Variants in RHOBTB3 observed in about 807,000 individuals in gnomAD.
RHOBTB3 encodes the protein Rho related BTB domain containing 3.
RHOBTB3 carries 47 observed loss-of-function variants against 67.2 expected under a neutral mutation model. The observed-to-expected ratio is 0.70, with a 90% CI of 0.55 to 0.89. The LOEUF (loss-of-function observed/expected upper bound fraction) is 0.89, where lower values mean the gene tolerates loss of function less well. Ranked by LOEUF, RHOBTB3 falls within the 40% of genes least tolerant of loss-of-function variation. The pLI is 0.00. For synonymous variants in RHOBTB3, 273 were observed against 274.2 expected, an observed-to-expected ratio of 1.00 and a Z score of 0.04; for missense variants, 631 against 750.0, an observed-to-expected ratio of 0.84 and a Z score of 1.85.
intron 1 of RHOBTB3, among the ~76,000 whole-genome samples, chr5:95,722,639 G>A (rs1186288084): frequency 6.6e-6 from 1 of 152,096 alleles, no homozygotes; most frequent in South Asian, 2.1e-4. Context: ...ACAGGCTCCC[G>A]CCACCATGCC....
At chr5:95,745,373 A>G (rs971877805) in intron 3 of RHOBTB3, among the ~76,000 whole-genome samples, 2 of 152,190 alleles carry the variant, frequency 1.3e-5, no homozygotes, top group Non-Finnish European at 2.9e-5. Context: ...TTTTCGGCTT[A>G]TACTAAATAT....
At chr5:95,732,404 C>G (rs1167233365) in intron 2 of RHOBTB3, 1 of 555,158 alleles carries the variant, frequency 1.8e-6, no homozygotes. Flanking sequence ...CACTAAGTTT[C>G]ATCAGCAAAA....
chr5:95,719,197 G>A (rs76150992), intron 1 of RHOBTB3, among the ~76,000 whole-genome samples: 4,409 of 152,278 alleles, frequency 0.029, 203 homozygotes, highest in African/African-American at 0.098. Context: ...ATGAGGTTAG[G>A]TGGTTGACTG....
At position 95,731,929 on chromosome 5, in the gene RHOBTB3, A is replaced by C; in HGVS notation, c.73A>C (p.Ile25Leu). 6.2e-7 allele frequency: 1 copy of C among 1,614,104 alleles called. No homozygotes were observed. Residue 25 changes from isoleucine (I) to leucine (L), a missense_variant, in exon 2 of 12, where the codon ATC (isoleucine) becomes CTC (leucine). By Grantham distance (5) the Ile-to-Leu change is conservative. Transcript: ENST00000379982. ...FHQDNRPSGLIRTYLGRSPLV... is the reference protein window; with the variant it reads ...FHQDNRPSGLLRTYLGRSPLV... ...CCAGGACAACCGGCCGTCGGGGCTTATCCGCACTTACCTGGGGAGAAGCCC... is the reference window on the plus strand; with the variant it reads ...CCAGGACAACCGGCCGTCGGGGCTTCTCCGCACTTACCTGGGGAGAAGCCC...
At chr5:95,782,624 C>G (rs552835665) in intron 9 of RHOBTB3, 1 of 151,986 alleles carries the variant, frequency 6.6e-6, no homozygotes, top group Non-Finnish European at 1.5e-5. Flanking sequence ...CTGGCTAACA[C>G]GGTGAAACCC....
rs150534367 is a variant in RHOBTB3, at chr5:95,761,283, C to T, written c.1049-2225C>T. Among the ~76,000 whole-genome samples the T allele has an allele frequency of 3.8e-3, 580 of 151,516 alleles. 7 individuals are homozygous for T. Among genetic ancestry groups the T allele is most frequent in the African/African-American group, 0.014 (558 of 41,266 alleles). The stretch of plus-strand genomic sequence containing the variant: ...AAAAAATACTTACATGTTCCCTTTC[C>T]TGCATACCACTAACACTGGGTTTGG... On this transcript the variant is annotated intron_variant, in intron 6 of 11. Transcript: ENST00000379982.
chr5:95,744,692 A>G (rs1028272943), intron 3 of RHOBTB3, among the ~76,000 whole-genome samples: 2 of 152,176 alleles, frequency 1.3e-5, no homozygotes, highest in African/African-American at 4.8e-5. Context: ...ATCCCTTGGA[A>G]TACATGAAAC....
chr5:95,759,352 C>T (rs866870546), intron 6 of RHOBTB3, among the ~76,000 whole-genome samples: 4 of 152,224 alleles, frequency 2.6e-5, no homozygotes, highest in African/African-American at 9.6e-5. Flanking sequence ...CTGCAGGTAT[C>T]TATTTATTAT....
At chr5:95,751,307 C>T (rs1745081824) in intron 4 of RHOBTB3, 1 of 151,934 alleles carries the variant, frequency 6.6e-6, no homozygotes, top group Non-Finnish European at 1.5e-5. Flanking sequence ...ACCAGCCACA[C>T]AATTGTAGTG....
intron 9 of RHOBTB3, among the ~76,000 whole-genome samples, chr5:95,781,017 T>G (rs1031779038): frequency 6.6e-6 from 1 of 152,188 alleles, no homozygotes; most frequent in Admixed American, 6.5e-5. Context: ...AGGATTCATT[T>G]CCAAATTCAC....
intron 7 of RHOBTB3, 30 bp from the exon 8 acceptor site, chr5:95,768,016 C>A: frequency 6.2e-7 from 1 of 1,606,506 alleles, no homozygotes; most frequent in Non-Finnish European, 8.5e-7. Context: ...GTTAAACAAC[C>A]TTTCCCTGTA....
chr5:95,783,777 C>G lies in RHOBTB3; in HGVS notation c.1457-20C>G. Reference sequence around the variant, plus strand: ...AATGGTTTCATCATCCACTTTCTCTCATGTCCCTTTTCTCATCAGCTGGCA... The same window carrying G: ...AATGGTTTCATCATCCACTTTCTCTGATGTCCCTTTTCTCATCAGCTGGCA... On this transcript the variant is annotated intron_variant, in intron 9 of 11. Coordinates refer to ENST00000379982, the MANE Select transcript of RHOBTB3 (RefSeq NM_014899.4). 2 of 1,592,582 alleles carry G rather than the reference C, an allele frequency of 1.3e-6. No individual in the cohort carries two copies. Among genetic ancestry groups the G allele is most frequent in the Admixed American group, 1.7e-5 (1 of 59,278 alleles).
In RHOBTB3 at chr5:95,796,008, C is replaced by A. The variant is rs1191622737; in HGVS notation, c.*2834C>A. On this transcript the variant is annotated 3_prime_UTR_variant, in exon 12 of 12. Transcript: ENST00000379982. ...TGCTCACTGTTCATATTATAGGGGA[C>A]CAGATTTGTAATATAGAATTCTCCA... The A allele has an allele frequency of 6.6e-6, 1 of 152,086 alleles. No homozygotes were observed. Among genetic ancestry groups the A allele is most frequent in the Non-Finnish European group, 1.5e-5 (1 of 68,022 alleles). The allele number at this position is 152,086 out of a possible 1,614,324, so 9.4% of individuals were successfully genotyped here.
At chr5:95,721,417 T>C (rs554402081) in intron 1 of RHOBTB3, among the ~76,000 whole-genome samples, 2 of 152,194 alleles carry the variant, frequency 1.3e-5, no homozygotes, top group South Asian at 2.1e-4. Context: ...AAGATGAACA[T>C]TGAAAACACT....
chr5:95,762,356 G>GA (rs1346885186), intron 6 of RHOBTB3, among the ~76,000 whole-genome samples: 1 of 152,220 alleles, frequency 6.6e-6, no homozygotes, highest in Non-Finnish European at 1.5e-5. Flanking sequence ...AGTTGGTACA[G>GA]ACTGGCTGCA....
At chr5:95,785,852 C>A (rs1746210604) in intron 10 of RHOBTB3, among the ~76,000 whole-genome samples, 1 of 152,130 alleles carries the variant, frequency 6.6e-6, no homozygotes, top group Admixed American at 6.5e-5. Flanking sequence ...AAGAGAACTT[C>A]CCGTGTGGTC....
At chr5:95,780,545 T>C in intron 9 of RHOBTB3, 120 bp downstream of exon 9, 3 of 828,242 alleles carry the variant, frequency 3.6e-6, no homozygotes, top group Middle Eastern at 2.5e-4. Flanking sequence ...CATCACGGAA[T>C]GTACTAAGCA....
intron 3 of RHOBTB3, among the ~76,000 whole-genome samples, chr5:95,742,579 T>A (rs1354556704): frequency 6.6e-6 from 1 of 152,228 alleles, no homozygotes; most frequent in Non-Finnish European, 1.5e-5. Context: ...TCTTTTATAT[T>A]TCTTATTGCT....
chr5:95,761,339 CT>C (rs766063568), intron 6 of RHOBTB3, among the ~76,000 whole-genome samples: 2,357 of 125,798 alleles, frequency 0.019, 26 homozygotes, highest in African/African-American at 0.06. Flanking sequence ...CCTTTTTCCT[CT>C]TTTTTTTTTT....
Sources: gnomAD v4.1 joint callset for allele counts (sites outside exome capture counted in the v4.1 genomes callset) on GRCh38, gnomAD v4.1.1 for gene constraint, MANE v1.5 for transcripts, NCBI Gene and HGNC (gene_info 2026-07-23, HGNC 2026-07-21) for gene names.